Variants in PPIE observed in about 807,000 individuals in gnomAD.
PPIE encodes peptidylprolyl isomerase E, also known as peptidyl-prolyl cis-trans isomerase E.
A neutral mutation model predicts 38.4 loss-of-function variants in PPIE; 20 were observed. The ratio of observed to expected loss-of-function variants is 0.52; its 90% confidence interval spans 0.37 to 0.76. PPIE has a LOEUF of 0.76. PPIE is among the 30% of genes least tolerant of loss of function. PPIE has a pLI of 0.00. For missense variants in PPIE, 322 were observed against 385.8 expected, an observed-to-expected ratio of 0.83 and a Z score of 1.39; for synonymous variants, 142 against 135.7, an observed-to-expected ratio of 1.05 and a Z score of -0.32.
At chr1:39,749,774 T>C (rs1237571999) in intron 8 of PPIE, among the ~76,000 whole-genome samples, 2 of 152,140 alleles carry the variant, frequency 1.3e-5, no homozygotes, top group Non-Finnish European at 2.9e-5. Context: ...TTGTAATCCA[T>C]TTCCCCTGCT....
At chr1:39,740,000 T>G in intron 1 of PPIE, 165 bp from the exon 2 acceptor site, 1 of 577,784 alleles carries the variant, frequency 1.7e-6, no homozygotes, top group South Asian at 2.2e-5. Context: ...AAGAGAGGAA[T>G]ATTTTTCATA....
chr1:39,760,240 TG>T, downstream of PPIE: 1 of 1,076,810 alleles, frequency 9.3e-7, no homozygotes, highest in Non-Finnish European at 1.3e-6. Context: ...CACAAATGCC[TG>T]GCAGGGCAAG....
chr1:39,740,173 G>A lies in PPIE; in HGVS notation c.40G>A (p.Ala14Thr). The A allele has an allele frequency of 6.2e-7, 1 of 1,614,014 alleles. No individual in the cohort carries two copies. The highest frequency in any genetic ancestry group is 8.5e-7 in the Non-Finnish European group (1 of 1,179,874). The change falls in exon 2 of 10, where the codon GCA becomes ACA. Residue 14 changes from alanine (A) to threonine (T), a missense_variant. Transcript: ENST00000324379. The stretch of plus-strand genomic sequence containing the variant: ...CCTTGGCTTATTTGCAGGTGGACTG[G>A]CAGAGGAAGTGGACGACAAAGTTCT... ...TKRVLYVGGL[A>T]EEVDDKVLHA...
chr1:39,742,228 C>A, intron 4 of PPIE: 1 of 268,540 alleles, frequency 3.7e-6, no homozygotes, highest in Non-Finnish European at 7.1e-6. Context: ...GCATATTTTG[C>A]AAAATAGCAG....
rs574220472 is a variant in PPIE, at chr1:39,753,705, C to G, written c.*350C>G. ...AAAATAAACCCTAGTTCTTATATTG[C>G]TCTTCCTGCTAGTTCTTGGGAGTTG... On this transcript the variant is annotated 3_prime_UTR_variant, in exon 10 of 10. Coordinates refer to ENST00000324379, the MANE Select transcript of PPIE (RefSeq NM_006112.4). The G allele has an allele frequency of 1.7e-4, 177 of 1,060,986 alleles. No individual in the cohort carries two copies. The African/African-American group carries it at 2.9e-3, about 17-fold the overall frequency. 65.7% of individuals were successfully genotyped at this position (1,060,986 alleles called of 1,614,324 possible).
chr1:39,741,721 C>T (rs1346261812), intron 3 of PPIE, 174 bp from the exon 4 acceptor site: 1 of 685,680 alleles, frequency 1.5e-6, no homozygotes, highest in Non-Finnish European at 2.5e-6. Flanking sequence ...CAAATTGTTG[C>T]ACCACCAGCT....
chr1:39,741,549 A>G (rs1647057524), intron 3 of PPIE, 140 bp downstream of exon 3: 1 of 877,420 alleles, frequency 1.1e-6, no homozygotes, highest in Admixed American at 2.2e-5. Flanking sequence ...TGCTGTTCTA[A>G]GGAAAGCGTC....
chr1:39,750,468 T>G (rs1340816664), intron 8 of PPIE, among the ~76,000 whole-genome samples: 2 of 152,188 alleles, frequency 1.3e-5, no homozygotes, highest in Admixed American at 6.5e-5. Flanking sequence ...ATTTTGTATT[T>G]TGGAATATTT....
intron 8 of PPIE, among the ~76,000 whole-genome samples, chr1:39,749,535 G>A (rs1265931476): frequency 6.6e-6 from 1 of 152,084 alleles, no homozygotes; most frequent in Non-Finnish European, 1.5e-5. Flanking sequence ...TTGATGCTCA[G>A]TCCCAACCGG....
intron 9 of PPIE, 38 bp downstream of exon 9, chr1:39,753,090 C>T (rs1451299063): frequency 2.5e-6 from 4 of 1,612,726 alleles, no homozygotes; most frequent in Non-Finnish European, 2.5e-6. Flanking sequence ...TTACCCAGGC[C>T]CTAGGAGCAC....
At chr1:39,739,244 C>T (rs748325004) in intron 1 of PPIE, 4 of 337,704 alleles carry the variant, frequency 1.2e-5, no homozygotes, top group Non-Finnish European at 2.1e-5. Context: ...ACCTTTGGGC[C>T]TCTGCTTTTG....
intron 8 of PPIE, among the ~76,000 whole-genome samples, chr1:39,752,131 C>T (rs1237484147): frequency 6.6e-6 from 1 of 151,996 alleles, no homozygotes; most frequent in Admixed American, 6.6e-5. Context: ...CAAAGGTTTC[C>T]TAGGGACAGG....
chr1:39,751,827 G>A (rs1416796623), intron 8 of PPIE, among the ~76,000 whole-genome samples: 5 of 152,158 alleles, frequency 3.3e-5, no homozygotes, highest in Admixed American at 3.3e-4. Flanking sequence ...GCTCATGCCT[G>A]TAATCCCAAC....
At chr1:39,746,827 C>G (rs1183729373) in intron 7 of PPIE, 1 of 152,168 alleles carries the variant, frequency 6.6e-6, no homozygotes, top group Non-Finnish European at 1.5e-5. Context: ...GTCTCTTCCT[C>G]CCTGCTTTTT....
chr1:39,745,600 T>C, intron 7 of PPIE, 102 bp downstream of exon 7: 2 of 1,564,510 alleles, frequency 1.3e-6, no homozygotes, highest in Non-Finnish European at 1.7e-6. Context: ...TGATATTGCT[T>C]CTGACCTAAG....
intron 9 of PPIE, chr1:39,763,657 T>G (rs762836039): frequency 1.3e-6 from 2 of 1,559,460 alleles, no homozygotes; most frequent in Non-Finnish European, 1.8e-6. Context: ...GCAGATTCAC[T>G]TCTGATCTAC....
intron 1 of PPIE, 28 bp from the exon 2 acceptor site, chr1:39,740,137 G>T: frequency 6.3e-7 from 1 of 1,584,570 alleles, no homozygotes. Context: ...GAGATCAGTG[G>T]CTCAGAAGGC....
At chr1:39,742,496 T>TC (rs1019523269) in intron 4 of PPIE, 3 of 115,572 alleles carry the variant, frequency 2.6e-5, no homozygotes, top group African/African-American at 8.2e-5. Flanking sequence ...CTTTCTTTTT[T>TC]TTTTTTTTTT....
chr1:39,752,148 A>G (rs1004355117), intron 8 of PPIE, among the ~76,000 whole-genome samples: 1 of 152,054 alleles, frequency 6.6e-6, no homozygotes, highest in Non-Finnish European at 1.5e-5. Context: ...CAGGACACCA[A>G]CCCCACTGAG....
Sources: allele counts gnomAD v4.1 joint callset (sites outside exome capture counted in the v4.1 genomes callset), GRCh38; gene constraint gnomAD v4.1.1; transcripts MANE v1.5; gene names NCBI Gene and HGNC (gene_info 2026-07-23, HGNC 2026-07-21).